The following CDKN2A variants were observed in gnomAD, a reference collection of about 807,000 sequenced individuals.
CDKN2A encodes the protein cyclin-dependent kinase inhibitor 2A.
Under a neutral mutation model 11.1 loss-of-function variants are expected in CDKN2A, and 3 were observed. The observed-to-expected ratio is 0.27, with a 90% CI of 0.12 to 0.70. The LOEUF (loss-of-function observed/expected upper bound fraction) is 0.70, where lower values mean the gene tolerates loss of function less well. Ranked by LOEUF, CDKN2A falls within the 30% of genes least tolerant of loss-of-function variation. The pLI, the probability that CDKN2A is intolerant of heterozygous loss-of-function variation, is 0.77. For synonymous variants in CDKN2A, 122 were observed against 108.1 expected (o/e 1.13, Z -0.80); for missense variants, 265 against 233.6 (o/e 1.13, Z -0.88).
upstream of CDKN2A, among the ~76,000 whole-genome samples, chr9:21,977,144 A>G (rs1042224335): frequency 2.0e-5 from 3 of 152,244 alleles, no homozygotes; most frequent in Non-Finnish European, 4.4e-5. Context: ...ATTAAAATCT[A>G]CAATGCATTA....
intron 2 of CDKN2A, among the ~76,000 whole-genome samples, chr9:21,985,477 GAATTTTTAGAAAATTGTTTT>G (rs1382153687): frequency 6.8e-4 from 103 of 151,864 alleles, no homozygotes; most frequent in African/African-American, 2.3e-3. Flanking sequence ...TTATACTAAA[GAATTTTTAGAAAATTGTTTT>G]GGTCAAAACT....
intron 2 of CDKN2A, among the ~76,000 whole-genome samples, chr9:21,993,210 C>A (rs77405838): frequency 4.4e-4 from 67 of 152,302 alleles, no homozygotes; most frequent in Non-Finnish European, 7.2e-4. Flanking sequence ...TACTTTTAGA[C>A]TTATTACACA....
intron 1 of CDKN2A, chr9:21,994,360 G>A (rs562248602): frequency 6.2e-7 from 1 of 1,606,708 alleles, no homozygotes; most frequent in Non-Finnish European, 8.5e-7. Context: ...GCCGAGCTCG[G>A]CAGCCGCTGC....
chr9:21,987,762 T>C (rs1820336946), intron 2 of CDKN2A, among the ~76,000 whole-genome samples: 1 of 152,128 alleles, frequency 6.6e-6, no homozygotes, highest in Admixed American at 6.5e-5. Context: ...ACTCTAAACT[T>C]AAAATCTTAC....
At chr9:21,992,495 A>T (rs1156792650) in intron 2 of CDKN2A, 1 of 805,922 alleles carries the variant, frequency 1.2e-6, no homozygotes, top group Middle Eastern at 6.2e-4. Flanking sequence ...ATAACAAAAA[A>T]TGATCTATTT....
intron 2 of CDKN2A, among the ~76,000 whole-genome samples, chr9:21,986,654 T>C (rs1820304676): frequency 6.6e-6 from 1 of 152,072 alleles, no homozygotes; most frequent in Non-Finnish European, 1.5e-5. Flanking sequence ...ATAATTAAAT[T>C]AGATAATGGA....
chr9:21,977,780 A>T (rs1820076976), upstream of CDKN2A, among the ~76,000 whole-genome samples: 1 of 152,196 alleles, frequency 6.6e-6, no homozygotes. Flanking sequence ...TTTTTAAAAA[A>T]GATGTGTTCA....
Position 21,988,434 on chromosome 9 carries a change from G to T in CDKN2A, c.-4+5448C>A. Reference sequence around the variant, plus strand: ...TTTTTCCCTTTTATTACTTCTTTTTGATTGTAGAGTTCTGCCCAAATGAAA... The same window carrying T: ...TTTTTCCCTTTTATTACTTCTTTTTTATTGTAGAGTTCTGCCCAAATGAAA... On this transcript the variant is annotated intron_variant, in intron 2 of 3. Transcript: ENST00000494262. This position sits in a 1 kb window ranked among gnomAD's most constrained non-coding sequence, Gnocchi z 4.1. 6.6e-6 allele frequency among the ~76,000 whole-genome samples: 1 copy of T among 151,458 alleles called. No individual in the cohort carries two copies. The highest frequency in any genetic ancestry group is 1.5e-5 in the Non-Finnish European group (1 of 67,926).
At chr9:21,992,166 C>T (rs1166978871) in intron 2 of CDKN2A, 1 of 806,774 alleles carries the variant, frequency 1.2e-6, no homozygotes, top group Non-Finnish European at 1.5e-6. Flanking sequence ...ATCTTATTTG[C>T]AATGATATTA....
chr9:21,968,288 A>T lies in CDKN2A; in HGVS notation c.458-46T>A, dbSNP rs2131079926. On this transcript the variant is annotated intron_variant, in intron 2 of 2. Coordinates refer to ENST00000304494, the MANE Select transcript of CDKN2A (RefSeq NM_000077.5). This position sits in a 1 kb window ranked among gnomAD's most constrained non-coding sequence, Gnocchi z 4.7. Reference sequence around the variant, plus strand: ...ACAGGCGTTAGAAACCTGAGGTCAAAGATGTGTGGCACATCCCGCCCTCCT... The same window carrying T: ...ACAGGCGTTAGAAACCTGAGGTCAATGATGTGTGGCACATCCCGCCCTCCT... 6.2e-7 allele frequency: 1 copy of T among 1,608,846 alleles called. No homozygotes were observed. Among genetic ancestry groups the T allele is most frequent in the African/African-American group, 1.3e-5 (1 of 74,932 alleles).
At position 21,995,268 on chromosome 9, in the gene CDKN2A, T is replaced by A. The variant is rs1315301523; in HGVS notation, c.-623A>T. 6.6e-6 allele frequency: 1 copy of A among 152,380 alleles called. No homozygotes were observed. Among genetic ancestry groups the A allele is most frequent in the African/African-American group, 2.4e-5 (1 of 41,600 alleles). 9.4% of individuals were successfully genotyped at this position (152,380 alleles called of 1,614,324 possible). On this transcript the variant is annotated 5_prime_UTR_variant, in exon 1 of 4. Coordinates refer to the CDKN2A transcript ENST00000494262. The surrounding 1 kb of genome is among the most constrained non-coding windows in gnomAD (Gnocchi z 5.7). ...TGGCTGGGACAAGCACCGAGTCCTT[T>A]GTGTCTAGCCCATTTTTATTTTCGG...
intron 2 of CDKN2A, among the ~76,000 whole-genome samples, chr9:21,983,668 T>A (rs1820243953): frequency 6.6e-6 from 1 of 152,092 alleles, no homozygotes; most frequent in African/African-American, 2.4e-5. Flanking sequence ...ATTGAGGAAC[T>A]ATGTAGCTAT....
At chr9:21,994,095 A>G (rs775771912) in intron 1 of CDKN2A, 4 of 1,581,038 alleles carry the variant, frequency 2.5e-6, no homozygotes, top group Admixed American at 1.7e-5. Context: ...ACCAAACAAA[A>G]CAAGTGCCGA....
chr9:21,988,405 CT>C lies in CDKN2A; in HGVS notation c.-4+5476del, dbSNP rs980134846. On this transcript the variant is annotated intron_variant, in intron 2 of 3. Coordinates refer to the CDKN2A transcript ENST00000494262. This position sits in a 1 kb window ranked among gnomAD's most constrained non-coding sequence, Gnocchi z 4.1. ...TCAATCCTGTAGTTGATGGCTTTCA[CT>C]TTTTTTTCCCTTTTATTACTTCTTT... is the stretch of plus-strand genomic sequence containing the variant. 1.3e-5 allele frequency among the ~76,000 whole-genome samples: 2 copies of C among 152,098 alleles called. No homozygotes were observed. Among genetic ancestry groups the C allele is most frequent in the South Asian group, 2.1e-4 (1 of 4,812 alleles).
chr9:21,971,739 G>A (rs931878679), intron 1 of CDKN2A, among the ~76,000 whole-genome samples: 1 of 151,784 alleles, frequency 6.6e-6, no homozygotes, highest in Admixed American at 6.6e-5. Flanking sequence ...CATTATATTA[G>A]TTTTAAAATT....
rs147602781 is a variant in CDKN2A at position 21,974,462 on chromosome 9, T to C, written c.150+216A>G. The C allele has an allele frequency of 5.2e-4, 836 of 1,606,342 alleles. 4 individuals carry two copies. In the African/African-American group the frequency reaches 0.01, roughly 20 times the overall value. On this transcript the variant is annotated intron_variant, in intron 1 of 2. Transcript: ENST00000304494. The surrounding 1 kb of genome is among the most constrained non-coding windows in gnomAD (Gnocchi z 5.2). The stretch of plus-strand genomic sequence containing the variant: ...ATCTTCTCAGCATTCGAGAGATCTG[T>C]ACGCGCGTGGCTCCTCATTCCTCTT...
At chr9:21,978,810 C>T (rs971935448), upstream of CDKN2A, among the ~76,000 whole-genome samples, 1 of 152,174 alleles carries the variant, frequency 6.6e-6, no homozygotes, top group African/African-American at 2.4e-5. Context: ...AACATAGTAT[C>T]TCTACAGTCA....
At chr9:21,975,110 G>A (rs888205241), upstream of CDKN2A, 4 of 1,259,564 alleles carry the variant, frequency 3.2e-6, no homozygotes, top group Non-Finnish European at 4.0e-6. Flanking sequence ...CTCCCCCGGG[G>A]GCACCAGCCG....
At chr9:21,981,917 C>G (rs984730003) in intron 2 of CDKN2A, among the ~76,000 whole-genome samples, 3 of 152,104 alleles carry the variant, frequency 2.0e-5, no homozygotes, top group African/African-American at 7.2e-5. Flanking sequence ...TAGAGCAGAC[C>G]TCCAAACAGA....
Sources: allele counts gnomAD v4.1 joint callset (sites outside exome capture counted in the v4.1 genomes callset), GRCh38; gene constraint gnomAD v4.1.1; non-coding constraint Gnocchi (gnomAD v3.1); transcripts MANE v1.5; gene names NCBI Gene and HGNC (gene_info 2026-07-23, HGNC 2026-07-21).